FBXO28: variants seen among roughly 807,000 people sequenced by gnomAD.
FBXO28 encodes the protein F-box only protein 28.
A neutral mutation model predicts 38.1 loss-of-function variants in FBXO28; 8 were observed. The ratio of observed to expected loss-of-function variants is 0.21; its 90% CI spans 0.12 to 0.38. The LOEUF is 0.38. FBXO28 is among the 10% of genes least tolerant of loss of function. FBXO28 has a pLI of 1.00. For synonymous variants in FBXO28, 168 were observed against 173.8 expected, an observed-to-expected ratio of 0.97 and a Z score of 0.26; for missense variants, 345 against 460.6, an observed-to-expected ratio of 0.75 and a Z score of 2.30.
intron 2 of FBXO28, among the ~76,000 whole-genome samples, chr1:224,132,441 G>A (rs951873924): frequency 6.6e-6 from 1 of 152,192 alleles, no homozygotes; most frequent in South Asian, 2.1e-4. Flanking sequence ...TGGGGAGGAT[G>A]TGGACAAATT....
At position 224,136,600 on chromosome 1, in the gene FBXO28, C is replaced by T. The variant is rs1218679264; in HGVS notation, c.516+2388C>T. Among the ~76,000 whole-genome samples, 12 of 148,656 alleles carry T rather than the reference C, an allele frequency of 8.1e-5. 2 individuals carry two copies. The highest frequency in any genetic ancestry group is 2.6e-4 in the African/African-American group (10 of 38,948). ...AAAACTAGCTGGGCATGGTGGCGGGCGCCTATAGTCCCAGCTACTCGGGAG... is the reference window on the plus strand; with the variant it reads ...AAAACTAGCTGGGCATGGTGGCGGGTGCCTATAGTCCCAGCTACTCGGGAG... On this transcript the variant is annotated intron_variant, in intron 3 of 4. Coordinates refer to ENST00000366862, the MANE Select transcript of FBXO28 (RefSeq NM_015176.4).
intron 1 of FBXO28, among the ~76,000 whole-genome samples, chr1:224,116,542 G>A (rs1214678551): frequency 1.3e-5 from 2 of 152,156 alleles, no homozygotes; most frequent in African/African-American, 4.8e-5. Flanking sequence ...ATGCTTTGAA[G>A]GGGGTAATAT....
chr1:224,116,156 A>G (rs1656639249), intron 1 of FBXO28, among the ~76,000 whole-genome samples: 1 of 152,158 alleles, frequency 6.6e-6, no homozygotes, highest in Non-Finnish European at 1.5e-5. Context: ...TACATGTGCA[A>G]ATATGATTTT....
At chr1:224,128,699 A>G (rs1656962649) in intron 1 of FBXO28, among the ~76,000 whole-genome samples, 3 of 152,266 alleles carry the variant, frequency 2.0e-5, no homozygotes, top group Middle Eastern at 3.4e-3. Flanking sequence ...TAAAAACACC[A>G]TATCTGGCTG....
In FBXO28 at chr1:224,161,899, A is replaced by T. The variant is rs1057051986; in HGVS notation, c.*4153A>T. 6.6e-6 allele frequency: 1 copy of T among 152,206 alleles called. No individual in the cohort carries two copies. The allele number at this position is 152,206 out of a possible 1,614,324, so 9.4% of individuals were successfully genotyped here. ...TTTAAGATTCCTTTATTGTGGTACCATGTCTGTTTACCTATGCTTATGAGC... is the reference window on the plus strand; with the variant it reads ...TTTAAGATTCCTTTATTGTGGTACCTTGTCTGTTTACCTATGCTTATGAGC... On this transcript the variant is annotated 3_prime_UTR_variant, in exon 5 of 5. Transcript: ENST00000366862.
chr1:224,144,533 G>A (rs1657451332), intron 3 of FBXO28, among the ~76,000 whole-genome samples: 2 of 152,086 alleles, frequency 1.3e-5, no homozygotes, highest in Admixed American at 1.3e-4. Context: ...GCGGAGGTGT[G>A]TGGATCACGA....
At chr1:224,126,864 G>GT (rs1029530954) in intron 1 of FBXO28, among the ~76,000 whole-genome samples, 2 of 152,086 alleles carry the variant, frequency 1.3e-5, no homozygotes, top group Non-Finnish European at 2.9e-5. Flanking sequence ...ACAAAACATA[G>GT]TTTTTATAGT....
chr1:224,114,461 A>G, intron 1 of FBXO28, 65 bp downstream of exon 1: 1 of 1,246,686 alleles, frequency 8.0e-7, no homozygotes, highest in Non-Finnish European at 1.1e-6. Context: ...ATGAGAAGGG[A>G]GCGCGTTCCC....
intron 1 of FBXO28, among the ~76,000 whole-genome samples, chr1:224,126,459 A>G (rs1656905610): frequency 6.6e-6 from 1 of 152,198 alleles, no homozygotes; most frequent in South Asian, 2.1e-4. Flanking sequence ...TTTTTCTACA[A>G]GGTTGTGTTA....
chr1:224,121,383 A>G (rs564506834), intron 1 of FBXO28, among the ~76,000 whole-genome samples: 2 of 152,352 alleles, frequency 1.3e-5, no homozygotes, highest in Non-Finnish European at 2.9e-5. Context: ...GTATATACGC[A>G]GAGAATCTAA....
intron 1 of FBXO28, among the ~76,000 whole-genome samples, chr1:224,117,164 G>GGTTTTTTTTT (rs1656660451): frequency 1.1e-5 from 1 of 89,302 alleles, no homozygotes; most frequent in African/African-American, 5.0e-5. Flanking sequence ...AAATAAATTG[G>GGTTTTTTTTT]ATTTTTTTTT....
intron 3 of FBXO28, among the ~76,000 whole-genome samples, chr1:224,147,490 T>C (rs968993944): frequency 3.3e-5 from 5 of 151,850 alleles, no homozygotes; most frequent in African/African-American, 1.2e-4. Flanking sequence ...AATTTTAAAA[T>C]AGTACAATGT....
At chr1:224,135,887 T>C (rs1428107486) in intron 3 of FBXO28, among the ~76,000 whole-genome samples, 1 of 151,614 alleles carries the variant, frequency 6.6e-6, no homozygotes, top group Admixed American at 6.6e-5. Context: ...ATACGAAAAT[T>C]AGCTGGGCAT....
chr1:224,149,640 C>T (rs1420905623), intron 3 of FBXO28, among the ~76,000 whole-genome samples: 1 of 151,754 alleles, frequency 6.6e-6, no homozygotes, highest in Non-Finnish European at 1.5e-5. Flanking sequence ...TGCTGCTAGG[C>T]TCTGGGGATC....
intron 1 of FBXO28, among the ~76,000 whole-genome samples, chr1:224,123,550 A>G (rs1478786025): frequency 1.3e-5 from 2 of 151,980 alleles, no homozygotes; most frequent in Non-Finnish European, 1.5e-5. Context: ...ATCTTGATCA[A>G]TTTGTATGTA....
intron 1 of FBXO28, among the ~76,000 whole-genome samples, chr1:224,116,275 C>G (rs915509525): frequency 2.0e-5 from 3 of 152,030 alleles, no homozygotes; most frequent in African/African-American, 7.2e-5. Flanking sequence ...TTGGAAGGTA[C>G]AATTCAAGTA....
At chr1:224,128,233 A>T (rs1040872882) in intron 1 of FBXO28, among the ~76,000 whole-genome samples, 14 of 53,796 alleles carry the variant, frequency 2.6e-4, no homozygotes, top group African/African-American at 8.0e-4. Flanking sequence ...GTCTTTTTTT[A>T]TTATTATTAT....
chr1:224,136,977 C>A (rs56044078), intron 3 of FBXO28, among the ~76,000 whole-genome samples: 38,669 of 150,972 alleles, frequency 0.26, 5,366 homozygotes, highest in East Asian at 0.47. Flanking sequence ...GCCTCAAACT[C>A]CTGATCTCAA....
intron 1 of FBXO28, among the ~76,000 whole-genome samples, chr1:224,118,050 G>T (rs1475819522): frequency 6.6e-6 from 1 of 151,312 alleles, no homozygotes; most frequent in Non-Finnish European, 1.5e-5. Flanking sequence ...TTGAGACAGG[G>T]TCTCCCTCTG....
Sources: allele counts gnomAD v4.1 joint callset (sites outside exome capture counted in the v4.1 genomes callset), GRCh38; gene constraint gnomAD v4.1.1; transcripts MANE v1.5; gene names NCBI Gene and HGNC (gene_info 2026-07-23, HGNC 2026-07-21).